LARP1: variants seen among roughly 807,000 people sequenced by gnomAD.
The protein encoded by LARP1 is La ribonucleoprotein 1, translational regulator, also known as la-related protein 1.
A neutral mutation model predicts 122.7 loss-of-function variants in LARP1; 36 were observed. That is an observed-to-expected ratio of 0.29 (90% CI 0.22 to 0.39). LARP1 has a LOEUF of 0.39. LARP1 is among the 10% of genes least tolerant of loss of function. The pLI is 1.00. For missense variants in LARP1, 1,040 were observed against 1,403.6 expected (o/e 0.74, Z 4.14); for synonymous variants, 539 against 528.7 (o/e 1.02, Z -0.27).
chr5:154,694,339 C>A (rs1016059502), intron 1 of LARP1, among the ~76,000 whole-genome samples: 1 of 152,144 alleles, frequency 6.6e-6, no homozygotes, highest in South Asian at 2.1e-4. Flanking sequence ...TCACTGCAAG[C>A]TCAAATTCCT....
chr5:154,764,221 A>T (rs1296106271), intron 1 of LARP1, among the ~76,000 whole-genome samples: 6 of 151,046 alleles, frequency 4.0e-5, no homozygotes, highest in African/African-American at 9.8e-5. Flanking sequence ...GAGGCAGGAG[A>T]ATCGCTTGAA....
intron 1 of LARP1, among the ~76,000 whole-genome samples, chr5:154,780,406 C>A (rs1453136466): frequency 6.6e-6 from 1 of 152,186 alleles, no homozygotes; most frequent in Non-Finnish European, 1.5e-5. Flanking sequence ...TTTTGGGGAA[C>A]AGTTCCTGTG....
At chr5:154,709,733 G>A (rs1399672112), upstream of LARP1, among the ~76,000 whole-genome samples, 3 of 151,718 alleles carry the variant, frequency 2.0e-5, no homozygotes, top group East Asian at 3.9e-4. Context: ...AATAATGAGC[G>A]GGCCACGTAT....
At chr5:154,701,778 T>C (rs1306688859) in intron 1 of LARP1, among the ~76,000 whole-genome samples, 2 of 152,008 alleles carry the variant, frequency 1.3e-5, no homozygotes, top group Non-Finnish European at 2.9e-5. Flanking sequence ...CCTGCCACCA[T>C]GACCAGCTAA....
rs1018664278 is a variant in LARP1 at position 154,803,798 on chromosome 5, C to T, written c.2439+53C>T. The T allele has an allele frequency of 3.9e-6, 6 of 1,531,440 alleles. No homozygotes were observed. The African/African-American group carries it at 8.2e-5, about 21-fold the overall frequency. The allele number at this position is 1,531,440 out of a possible 1,614,324, so 94.9% of individuals were successfully genotyped here. A position where few individuals can be genotyped will look rare whatever the true frequency, so the allele number is the denominator to read the frequency against. On this transcript the variant is annotated intron_variant, in intron 13 of 18. Coordinates refer to ENST00000518297, the MANE Select transcript of LARP1 (RefSeq NM_033551.3). The surrounding 1 kb of genome is among the most constrained non-coding windows in gnomAD (Gnocchi z 4.4). ...AGTCTTGGGTCTACTTCATTGCATT[C>T]CAGTGCTTTGCTTCTCTCCCTTGCC... is the stretch of plus-strand genomic sequence containing the variant.
At position 154,795,332 on chromosome 5, in the gene LARP1, C is replaced by G; in HGVS notation, c.1377+13C>G. The G allele has an allele frequency of 6.2e-7, 1 of 1,612,482 alleles. No homozygotes were observed. The highest frequency in any genetic ancestry group is 8.5e-7 in the Non-Finnish European group (1 of 1,179,020). The stretch of plus-strand genomic sequence containing the variant: ...ACTCATCTTTGCGGTATGTCTTCCT[C>G]CCTGGAGCTGGGATGCAGGGGAAAG... On this transcript the variant is annotated intron_variant, in intron 8 of 18. Transcript: ENST00000518297.
chr5:154,713,700 C>T (rs375521723), intron 1 of LARP1, among the ~76,000 whole-genome samples: 13 of 152,208 alleles, frequency 8.5e-5, no homozygotes, highest in African/African-American at 3.1e-4. Flanking sequence ...CCTGCCTTCA[C>T]GCCCAAGCTG....
chr5:154,697,263 G>T (rs977168402), intron 1 of LARP1, among the ~76,000 whole-genome samples: 8 of 151,286 alleles, frequency 5.3e-5, no homozygotes, highest in Non-Finnish European at 1.2e-4. Context: ...GGGGAGGCAG[G>T]TTTGCATGAC....
intron 1 of LARP1, among the ~76,000 whole-genome samples, chr5:154,741,933 T>G (rs1053844994): frequency 6.6e-6 from 1 of 152,212 alleles, no homozygotes; most frequent in Non-Finnish European, 1.5e-5. Flanking sequence ...CCAGCCCAGC[T>G]TTTCCTTGTC....
intron 2 of LARP1, 120 bp downstream of exon 2, chr5:154,790,506 C>G (rs1455794511): frequency 6.3e-6 from 8 of 1,269,872 alleles, no homozygotes; most frequent in African/African-American, 1.5e-5. Context: ...TGCAGGGGAG[C>G]CCCTTCTAGG....
In LARP1 at chr5:154,790,626, T is replaced by C. The variant is rs371515664; in HGVS notation, c.499-19T>C. ...GACAGGGTCACTCCTGGGGCCCTCA[T>C]AGTGTATGTTCCCTGCAGGTTGGTG... On this transcript the variant is annotated intron_variant, in intron 2 of 18. Coordinates refer to ENST00000518297, the MANE Select transcript of LARP1 (RefSeq NM_033551.3). 1.9e-6 allele frequency: 3 copies of C among 1,613,688 alleles called. No homozygotes were observed. The highest frequency in any genetic ancestry group is 1.3e-5 in the African/African-American group (1 of 74,872).
intron 1 of LARP1, among the ~76,000 whole-genome samples, chr5:154,745,866 G>C (rs1408565113): frequency 6.7e-6 from 1 of 150,338 alleles, no homozygotes; most frequent in Admixed American, 6.7e-5. Context: ...TGCGATTTCA[G>C]ATCACTGCAA....
Position 154,794,197 on chromosome 5 carries a change from T to C in LARP1, c.1167T>C (p.Asn389=). 1 of 1,614,216 alleles carries C rather than the reference T, an allele frequency of 6.2e-7. No individual in the cohort carries two copies. The highest frequency in any genetic ancestry group is 8.5e-7 in the Non-Finnish European group (1 of 1,180,032). The change falls in exon 7 of 19, where the codon AAT becomes AAC. Residue 389 remains asparagine (N), a synonymous_variant. Transcript: ENST00000518297. The stretch of plus-strand genomic sequence containing the variant: ...ACAACATCACCTACTACTTTGACAA[T>C]GTCAGCAGCACCGAGCTTTACAGTG... ...YMNNITYYFD[N]VSSTELYSVD... is the part of the protein sequence containing the mutation.
At chr5:154,798,642 C>G (rs1758081786) in intron 8 of LARP1, among the ~76,000 whole-genome samples, 1 of 152,084 alleles carries the variant, frequency 6.6e-6, no homozygotes, top group South Asian at 2.1e-4. Context: ...GCTGGGACCA[C>G]AGATGTATGC....
In LARP1 at chr5:154,805,871, G is replaced by T. The variant is rs1164503766; in HGVS notation, c.2547-10G>T. On this transcript the variant is annotated splice_polypyrimidine_tract_variant and intron_variant, in intron 14 of 18. Transcript: ENST00000518297. ...GAACCTGGTGACAGTATTTTTTGTG[G>T]TTTCTGTAGCTCCAGCCCCTCAGAA... The T allele has an allele frequency of 6.2e-7, 1 of 1,610,378 alleles. No homozygotes were observed. Among genetic ancestry groups the T allele is most frequent in the Non-Finnish European group, 8.5e-7 (1 of 1,178,914 alleles).
chr5:154,711,865 A>T (rs1315720698), upstream of LARP1, among the ~76,000 whole-genome samples: 1 of 152,070 alleles, frequency 6.6e-6, no homozygotes, highest in Admixed American at 6.6e-5. Flanking sequence ...AGCTCTTCCA[A>T]TGTCTCGTTC....
At chr5:154,750,550 G>A (rs549456068), upstream of LARP1, among the ~76,000 whole-genome samples, 2 of 152,290 alleles carry the variant, frequency 1.3e-5, no homozygotes, top group African/African-American at 4.8e-5. Context: ...GGGATTACAG[G>A]TGTGAGCCAC....
chr5:154,732,938 T>C (rs1303565873), intron 1 of LARP1, among the ~76,000 whole-genome samples: 4 of 152,170 alleles, frequency 2.6e-5, no homozygotes, highest in African/African-American at 9.7e-5. Flanking sequence ...TACCCTCAGA[T>C]TGAAGTTGGT....
upstream of LARP1, among the ~76,000 whole-genome samples, chr5:154,751,735 T>C (rs1197727775): frequency 6.6e-6 from 1 of 152,240 alleles, no homozygotes; most frequent in African/African-American, 2.4e-5. Context: ...ATAATTGTTC[T>C]ATTTTATTAT....
Sources: allele counts gnomAD v4.1 joint callset (sites outside exome capture counted in the v4.1 genomes callset), GRCh38; gene constraint gnomAD v4.1.1; non-coding constraint Gnocchi (gnomAD v3.1); transcripts MANE v1.5; gene names NCBI Gene and HGNC (gene_info 2026-07-23, HGNC 2026-07-21).